The following CAMSAP1 variants were observed in gnomAD, a reference collection of about 807,000 sequenced individuals.
The protein encoded by CAMSAP1 is calmodulin-regulated spectrin-associated protein 1.
Under a neutral mutation model 143.5 loss-of-function variants are expected in CAMSAP1, and 58 were observed. The ratio of observed to expected loss-of-function variants is 0.40; its 90% CI spans 0.33 to 0.50. CAMSAP1 has a LOEUF of 0.50. CAMSAP1 is among the 20% of genes least tolerant of loss of function. The pLI is 0.45. For missense variants in CAMSAP1, 1,969 were observed against 2,115.7 expected (o/e 0.93, Z 1.36); for synonymous variants, 945 against 859.3 (o/e 1.10, Z -1.74).
intron 7 of CAMSAP1, among the ~76,000 whole-genome samples, chr9:135,845,196 G>T (rs1479033448): frequency 6.6e-6 from 1 of 152,164 alleles, no homozygotes; most frequent in African/African-American, 2.4e-5. Context: ...TACCAGGGAT[G>T]CAAGGCTGGT....
chr9:135,829,887 A>C (rs1439550521), intron 7 of CAMSAP1, among the ~76,000 whole-genome samples: 2 of 149,538 alleles, frequency 1.3e-5, no homozygotes, highest in Non-Finnish European at 3.0e-5. Flanking sequence ...AAATAAATAA[A>C]TAACAATAAG....
At chr9:135,817,849 T>C in intron 14 of CAMSAP1, 128 bp downstream of exon 14, 1 of 747,700 alleles carries the variant, frequency 1.3e-6, no homozygotes, top group Non-Finnish European at 2.2e-6. Context: ...GCAACTATTC[T>C]GTAAATGTGA....
Position 135,881,999 on chromosome 9 carries a change from G to A in CAMSAP1, c.424-205C>T, listed in dbSNP as rs74954756. Among the ~76,000 whole-genome samples, 198 of 152,326 alleles carry A rather than the reference G, an allele frequency of 1.3e-3. 1 individual carries two copies. The highest frequency in any genetic ancestry group is 9.9e-3 in the Admixed American group (152 of 15,306). On this transcript the variant is annotated intron_variant, in intron 2 of 16. Transcript: ENST00000389532. ...GCATTTCTGGTCAAGCCTCAAGACC[G>A]TCTGGAACCAGGAGTCCGTTCTCAG...
At chr9:135,906,850 G>C (rs1244688486) in intron 1 of CAMSAP1, 150 bp downstream of exon 1, 1 of 334,348 alleles carries the variant, frequency 3.0e-6, no homozygotes, top group Non-Finnish European at 4.3e-6. Context: ...GCGCCGCCAG[G>C]ACCTCGGAGG....
At position 135,827,135 on chromosome 9, in the gene CAMSAP1, A is replaced by C. The variant is rs10114302; in HGVS notation, c.1223+272T>G. Among the ~76,000 whole-genome samples, 23,791 of 152,156 alleles carry C rather than the reference A, an allele frequency of 0.16. 2,429 individuals are homozygous for C. The highest frequency in any genetic ancestry group is 0.35 in the East Asian group (1,818 of 5,168). ...CTTTAGATCGTTTCTTAAACAGTGT[A>C]ACACATGGTGGAAAAGAGAACAGAA... is the stretch of plus-strand genomic sequence containing the variant. On this transcript the variant is annotated intron_variant, in intron 8 of 16. Coordinates refer to ENST00000389532, the MANE Select transcript of CAMSAP1 (RefSeq NM_015447.4).
intron 7 of CAMSAP1, among the ~76,000 whole-genome samples, chr9:135,832,934 T>C (rs1032847794): frequency 6.6e-6 from 1 of 152,124 alleles, no homozygotes; most frequent in Non-Finnish European, 1.5e-5. Flanking sequence ...TGACATAATA[T>C]TGTCAAAATG....
intron 1 of CAMSAP1, among the ~76,000 whole-genome samples, chr9:135,906,704 T>C (rs1157368198): frequency 1.3e-5 from 2 of 151,570 alleles, no homozygotes; most frequent in African/African-American, 4.8e-5. Flanking sequence ...GGGCAGCTCC[T>C]TCCCGCCGCC....
intron 2 of CAMSAP1, 99 bp from the exon 3 acceptor site, chr9:135,881,893 C>T (rs1405443602): frequency 5.0e-6 from 7 of 1,387,886 alleles, no homozygotes; most frequent in Non-Finnish European, 6.9e-6. Flanking sequence ...GGCCTAATTT[C>T]TTCATCCCTC....
At chr9:135,851,272 C>A (rs1836774159) in intron 5 of CAMSAP1, among the ~76,000 whole-genome samples, 1 of 152,178 alleles carries the variant, frequency 6.6e-6, no homozygotes, top group Admixed American at 6.5e-5. Context: ...TAACTTTTTA[C>A]ATAAATTTTA....
intron 1 of CAMSAP1, among the ~76,000 whole-genome samples, chr9:135,901,983 ACC>A (rs1838632508): frequency 6.6e-6 from 1 of 152,212 alleles, no homozygotes; most frequent in Admixed American, 6.5e-5. Flanking sequence ...TTAGGGGCTA[ACC>A]ATTCAACAAG....
At position 135,822,246 on chromosome 9, in the gene CAMSAP1, G is replaced by C. The variant is rs769414244; in HGVS notation, c.2415C>G (p.Val805=). The part of the protein sequence containing the change: ...CLSTASQMSS[V]SMASGSVKMT... ...TCTTCACGCTCCCACTCGCCATGGA[G>C]ACACTGCTCATCTGAGAGGCTGTGC... Residue 805 remains valine (V), a synonymous_variant, in exon 11 of 17, where the codon GTC becomes GTG. Transcript: ENST00000389532. This position sits in a 1 kb window ranked among gnomAD's most constrained non-coding sequence, Gnocchi z 6.1. 1 of 1,614,010 alleles carries C rather than the reference G, an allele frequency of 6.2e-7. No homozygotes were observed. Among genetic ancestry groups the C allele is most frequent in the Non-Finnish European group, 8.5e-7 (1 of 1,179,888 alleles).
At chr9:135,850,564 G>GA in intron 5 of CAMSAP1, 103 bp from the exon 6 acceptor site, 3 of 897,212 alleles carry the variant, frequency 3.3e-6, no homozygotes, top group Non-Finnish European at 4.9e-6. Flanking sequence ...AGGTAGTAAT[G>GA]AAGATAATGA....
chr9:135,836,160 A>G lies in CAMSAP1; in HGVS notation c.1046-8576T>C, dbSNP rs965355936. The G allele has an allele frequency of 3.0e-6, 3 of 985,294 alleles. No individual in the cohort carries two copies. The African/African-American group carries it at 5.2e-5, about 17-fold the overall frequency. 61.0% of individuals were successfully genotyped at this position (985,294 alleles called of 1,614,324 possible). On this transcript the variant is annotated intron_variant, in intron 7 of 16. Transcript: ENST00000389532. ...AAAGCACCCAGAGAAGCCCATGTGCATCTACAGACGCACATCACCACATAC... is the reference window on the plus strand; with the variant it reads ...AAAGCACCCAGAGAAGCCCATGTGCGTCTACAGACGCACATCACCACATAC...
chr9:135,818,254 T>C lies in CAMSAP1; in HGVS notation c.4168+154A>G. On this transcript the variant is annotated intron_variant, in intron 13 of 16. Coordinates refer to ENST00000389532, the MANE Select transcript of CAMSAP1 (RefSeq NM_015447.4). The surrounding 1 kb of genome is among the most constrained non-coding windows in gnomAD (Gnocchi z 7.7). The stretch of plus-strand genomic sequence containing the variant: ...GATGTGCCGCACATCTCAGAGCATC[T>C]GGTCTCAACATTGTCATCCATGAAA... 11 of 1,096,502 alleles carry C rather than the reference T, an allele frequency of 1.0e-5. No individual in the cohort carries two copies. Among genetic ancestry groups the C allele is most frequent in the Non-Finnish European group, 1.4e-5 (11 of 773,876 alleles). The allele number at this position is 1,096,502 out of a possible 1,614,324, so 67.9% of individuals were successfully genotyped here. A position where few individuals can be genotyped will look rare whatever the true frequency, so the allele number is the denominator to read the frequency against.
chr9:135,887,684 C>G (rs1244621774), intron 1 of CAMSAP1, among the ~76,000 whole-genome samples: 1 of 152,094 alleles, frequency 6.6e-6, no homozygotes, highest in East Asian at 1.9e-4. Flanking sequence ...GTTTGTCTTA[C>G]TATGTTAAGC....
intron 7 of CAMSAP1, among the ~76,000 whole-genome samples, chr9:135,830,339 C>T (rs1179269044): frequency 6.6e-6 from 1 of 152,170 alleles, no homozygotes; most frequent in African/African-American, 2.4e-5. Context: ...GAGTGAAGAA[C>T]ACACAGGCTG....
At chr9:135,814,368 T>A (rs1488597983) in intron 16 of CAMSAP1, among the ~76,000 whole-genome samples, 3 of 152,216 alleles carry the variant, frequency 2.0e-5, no homozygotes, top group Non-Finnish European at 4.4e-5. Context: ...TGCATAATTT[T>A]CATTCACTCA....
chr9:135,854,997 A>G (rs1389386840), intron 5 of CAMSAP1, among the ~76,000 whole-genome samples: 2 of 145,766 alleles, frequency 1.4e-5, no homozygotes, highest in East Asian at 4.0e-4. Flanking sequence ...TTTAGCTCCC[A>G]CTTTTTTTTT....
chr9:135,812,420 A>G (rs564074794), intron 16 of CAMSAP1, among the ~76,000 whole-genome samples: 36 of 152,324 alleles, frequency 2.4e-4, no homozygotes, highest in Admixed American at 1.4e-3. Context: ...CCAAAAGGCC[A>G]TATAATTATG....
Sources: gnomAD v4.1 joint callset for allele counts (sites outside exome capture counted in the v4.1 genomes callset) on GRCh38, gnomAD v4.1.1 for gene constraint, Gnocchi (gnomAD v3.1) non-coding constraint, MANE v1.5 for transcripts, NCBI Gene and HGNC (gene_info 2026-07-23, HGNC 2026-07-21) for gene names.